The following SLC28A1 variants were observed in gnomAD, a reference collection of about 807,000 sequenced individuals.
SLC28A1 encodes sodium/nucleoside cotransporter 1.
Under a neutral mutation model 74.8 loss-of-function variants are expected in SLC28A1, and 64 were observed. The ratio of observed to expected loss-of-function variants is 0.86; its 90% CI spans 0.70 to 1.05. The LOEUF is 1.05. Among genes scored for constraint, SLC28A1 ranks in the 50% least tolerant of loss-of-function variants. The pLI is 0.00. For missense variants in SLC28A1, 828 were observed against 822.8 expected, an observed-to-expected ratio of 1.01 and a Z score of -0.08; for synonymous variants, 359 against 335.0, an observed-to-expected ratio of 1.07 and a Z score of -0.78.
chr15:84,907,617 C>T (rs1224973608), intron 8 of SLC28A1, among the ~76,000 whole-genome samples: 1 of 152,132 alleles, frequency 6.6e-6, no homozygotes, highest in East Asian at 1.9e-4. Flanking sequence ...GGGAACTTCC[C>T]ACCTCAGCCT....
rs17215864 is a variant in SLC28A1 at position 84,944,720 on chromosome 15, G to T, written c.1763-36G>T. ...GGAACCCTGACTTTCTGGCTAGCCC[G>T]GGGGCCCTGCCCCACCCACCACTTT... On this transcript the variant is annotated intron_variant, in intron 17 of 18. Transcript: ENST00000394573. The T allele has an allele frequency of 6.6e-4, 956 of 1,447,938 alleles. 20 individuals carry two copies. The highest frequency in any genetic ancestry group is 5.3e-3 in the South Asian group (454 of 85,986). 89.7% of individuals were successfully genotyped at this position (1,447,938 alleles called of 1,614,324 possible). A position where few individuals can be genotyped will look rare whatever the true frequency, so the allele number is the denominator to read the frequency against.
Position 84,895,205 on chromosome 15 carries a change from G to A in SLC28A1, c.461+82G>A, listed in dbSNP as rs919021401. On this transcript the variant is annotated intron_variant, in intron 6 of 18. Coordinates refer to ENST00000394573, the MANE Select transcript of SLC28A1 (RefSeq NM_004213.5). ...TGGCTCCAGGGTTATGGCCAGGGCT[G>A]GAGGAGGAGGAAGGCTCTGTGTCAT... 3.0e-5 allele frequency: 47 copies of A among 1,582,070 alleles called. No individual in the cohort carries two copies. In the South Asian group the frequency reaches 4.5e-4, roughly 15 times the overall value.
intron 6 of SLC28A1, chr15:84,896,060 C>G (rs1038137733): frequency 1.6e-6 from 1 of 612,512 alleles, no homozygotes; most frequent in East Asian, 1.4e-4. Context: ...TCTTCTGTGA[C>G]AAGTCATTGA....
At chr15:84,904,022 C>T in intron 6 of SLC28A1, 75 bp from the exon 7 acceptor site, 2 of 1,593,900 alleles carry the variant, frequency 1.3e-6, no homozygotes, top group Non-Finnish European at 8.6e-7. Context: ...TTCTCTGGGT[C>T]CCCGGGTGCT....
intron 6 of SLC28A1, among the ~76,000 whole-genome samples, chr15:84,900,015 GGCA>G (rs1346891777): frequency 1.3e-5 from 2 of 148,316 alleles, no homozygotes; most frequent in Non-Finnish European, 3.0e-5. Context: ...CAGGCAGGCA[GGCA>G]GGCAAGCAAG....
At chr15:84,972,773 A>C in the SLC28A1 span, among the ~76,000 whole-genome samples, 1 of 152,248 alleles carries the variant, frequency 6.6e-6, no homozygotes, top group African/African-American at 2.4e-5. Context: ...CAACTGAGAA[A>C]ATGTGAAATA....
chr15:84,973,225 GTTCTTTCCCCTATTTTT>G, the SLC28A1 span, among the ~76,000 whole-genome samples: 7 of 152,082 alleles, frequency 4.6e-5, no homozygotes, highest in East Asian at 9.6e-4. Context: ...TGCCTGGAAT[GTTCTTTCCCCTATTTTT>G]TAATCTCATT....
Position 84,887,797 on chromosome 15 carries a change from T to C in SLC28A1, c.37T>C (p.Ser13Pro), listed in dbSNP as rs1964773288. The change falls in exon 3 of 19, where the codon TCT (serine) becomes CCT (proline). Residue 13 changes from serine to proline, a missense_variant. Coordinates refer to ENST00000394573, the MANE Select transcript of SLC28A1 (RefSeq NM_004213.5). ...NDPSRRRESI[S>P]LTPVAKGLEN... The stretch of plus-strand genomic sequence containing the variant: ...CCCCTCGAGACGAAGAGAGTCCATC[T>C]CTCTCACACCTGTGGCCAAGGGTCT... 1 of 1,613,976 alleles carries C rather than the reference T, an allele frequency of 6.2e-7. No individual in the cohort carries two copies. The highest frequency in any genetic ancestry group is 1.3e-5 in the African/African-American group (1 of 74,908).
At chr15:84,974,402 C>A in the SLC28A1 span, among the ~76,000 whole-genome samples, 1 of 152,218 alleles carries the variant, frequency 6.6e-6, no homozygotes, top group Admixed American at 6.5e-5. Context: ...CGGTTGGCAA[C>A]CCAACTTTGC....
chr15:84,964,932 G>C, the SLC28A1 span, among the ~76,000 whole-genome samples: 1 of 152,208 alleles, frequency 6.6e-6, no homozygotes, highest in Non-Finnish European at 1.5e-5. Context: ...GGGAATGATT[G>C]ATGCTTCCCT....
chr15:84,928,570 CTTT>C (rs1567172120), intron 12 of SLC28A1, among the ~76,000 whole-genome samples: 9 of 17,720 alleles, frequency 5.1e-4, no homozygotes, highest in African/African-American at 4.1e-3. Flanking sequence ...TTCTTTCTTT[CTTT>C]CTTTCTTTCT....
At chr15:84,946,406 C>T (rs912930848), downstream of SLC28A1, among the ~76,000 whole-genome samples, 3 of 151,870 alleles carry the variant, frequency 2.0e-5, no homozygotes, top group Non-Finnish European at 2.9e-5. Flanking sequence ...CTGTTCTCAG[C>T]GCTTTATATA....
the SLC28A1 span, chr15:84,961,456 C>T: frequency 2.2e-6 from 1 of 451,642 alleles, no homozygotes; most frequent in South Asian, 1.6e-5. Flanking sequence ...CTCAGTCTCC[C>T]AAGCAGCTGG....
chr15:84,925,067 G>GTTTTTTTT (rs964017770), intron 12 of SLC28A1, among the ~76,000 whole-genome samples: 69 of 84,146 alleles, frequency 8.2e-4, no homozygotes, highest in East Asian at 1.9e-3. Context: ...CGCCCAGCTA[G>GTTTTTTTT]TTTTTTTTTT....
chr15:84,911,559 C>A (rs780227992), intron 9 of SLC28A1, among the ~76,000 whole-genome samples: 1 of 151,572 alleles, frequency 6.6e-6, no homozygotes, highest in African/African-American at 2.4e-5. Flanking sequence ...CAAAAATGAT[C>A]ATTTAAAAAT....
intron 8 of SLC28A1, among the ~76,000 whole-genome samples, chr15:84,906,281 A>G (rs1410478681): frequency 6.6e-6 from 1 of 151,652 alleles, no homozygotes; most frequent in Non-Finnish European, 1.5e-5. Context: ...CGGCCTCCCA[A>G]AGTGCTGGGA....
intron 13 of SLC28A1, among the ~76,000 whole-genome samples, chr15:84,934,688 C>T (rs1012502356): frequency 6.6e-5 from 10 of 152,212 alleles, no homozygotes; most frequent in African/African-American, 2.4e-4. Context: ...AAAGTATTGT[C>T]ATTTCAACAT....
At chr15:84,917,035 AAAAAAT>A (rs1340931937) in intron 9 of SLC28A1, among the ~76,000 whole-genome samples, 1 of 145,004 alleles carries the variant, frequency 6.9e-6, no homozygotes, top group Admixed American at 7.2e-5. Context: ...CTCAAAAAAA[AAAAAAT>A]AAATAAAAAA....
chr15:84,932,697 T>C (rs1472975176), intron 12 of SLC28A1, among the ~76,000 whole-genome samples: 1 of 152,196 alleles, frequency 6.6e-6, no homozygotes, highest in East Asian at 1.9e-4. Flanking sequence ...TAGAGCTTTG[T>C]CTGAAAGCAT....
Sources: allele counts gnomAD v4.1 joint callset (sites outside exome capture counted in the v4.1 genomes callset), GRCh38; gene constraint gnomAD v4.1.1; transcripts MANE v1.5; gene names NCBI Gene and HGNC (gene_info 2026-07-23, HGNC 2026-07-21).